Variants in AK8 observed in about 807,000 individuals in gnomAD.
AK8 encodes the protein ATP-AMP transphosphorylase 8.
In AK8, 44 loss-of-function variants were observed where a neutral mutation model predicts 54.6. The observed-to-expected ratio is 0.81, with a 90% CI of 0.63 to 1.04. The LOEUF is 1.04. AK8 is among the 50% of genes least tolerant of loss of function. The pLI is 0.00. For synonymous variants in AK8, 239 were observed against 245.6 expected (o/e 0.97, Z 0.25); for missense variants, 555 against 613.6 (o/e 0.90, Z 1.01).
At chr9:132,863,263 C>T (rs1298736078) in intron 4 of AK8, among the ~76,000 whole-genome samples, 1 of 152,252 alleles carries the variant, frequency 6.6e-6, no homozygotes, top group Admixed American at 6.5e-5. Flanking sequence ...GACAGCTGGA[C>T]AGCTGCCCTT....
chr9:132,833,930 G>A (rs1030805324), intron 5 of AK8, among the ~76,000 whole-genome samples: 1 of 152,210 alleles, frequency 6.6e-6, no homozygotes, highest in African/African-American at 2.4e-5. Flanking sequence ...TTGCCTTTCC[G>A]CTCCTCCCCT....
chr9:132,755,518 C>A (rs897565779), intron 11 of AK8, among the ~76,000 whole-genome samples: 1 of 152,218 alleles, frequency 6.6e-6, no homozygotes, highest in Non-Finnish European at 1.5e-5. Flanking sequence ...GGCAGGACTG[C>A]GCCTCACTCC....
At chr9:132,750,399 G>A (rs1055246231) in intron 11 of AK8, among the ~76,000 whole-genome samples, 1 of 151,908 alleles carries the variant, frequency 6.6e-6, no homozygotes. Flanking sequence ...GATTACAGGT[G>A]TGAGCCACCG....
intron 10 of AK8, among the ~76,000 whole-genome samples, chr9:132,809,571 C>A (rs1421386236): frequency 6.6e-6 from 1 of 152,220 alleles, no homozygotes; most frequent in Non-Finnish European, 1.5e-5. Context: ...CCTGTCCCCA[C>A]CACTGGAGTA....
At chr9:132,771,211 G>T (rs1429989507) in intron 11 of AK8, among the ~76,000 whole-genome samples, 1 of 152,184 alleles carries the variant, frequency 6.6e-6, no homozygotes, top group Non-Finnish European at 1.5e-5. Flanking sequence ...CCCTTTCCTG[G>T]TCTTGCTGGA....
At chr9:132,731,465 G>T (rs1036604912) in intron 11 of AK8, among the ~76,000 whole-genome samples, 4 of 152,126 alleles carry the variant, frequency 2.6e-5, no homozygotes, top group Non-Finnish European at 5.9e-5. Flanking sequence ...CTCAGTGTTG[G>T]CACACCCTGT....
intron 11 of AK8, among the ~76,000 whole-genome samples, chr9:132,760,604 G>C (rs2131050350): frequency 6.6e-6 from 1 of 152,140 alleles, no homozygotes; most frequent in South Asian, 2.1e-4. Flanking sequence ...TTACTGCACT[G>C]TTTAATAATG....
In AK8 at chr9:132,765,292, C is replaced by CAAAAAAAA. The variant is rs61495439; in HGVS notation, c.1121+27334_1121+27341dup. Among the ~76,000 whole-genome samples the CAAAAAAAA allele has an allele frequency of 7.0e-3, 437 of 62,456 alleles. 18 individuals carry two copies. Among genetic ancestry groups the CAAAAAAAA allele is most frequent in the South Asian group, 9.7e-3 (10 of 1,026 alleles). The allele number at this position is 62,456 out of a possible 152,430, so 41.0% of individuals were successfully genotyped here. A position where few individuals can be genotyped will look rare whatever the true frequency, so the allele number is the denominator to read the frequency against. ...TGGGCAACAGAGCGAGACTCCATTT[C>CAAAAAAAA]AAAAAAAAAAAAAAAAAAAAAAGAG... On this transcript the variant is annotated intron_variant, in intron 11 of 12. Transcript: ENST00000298545.
chr9:132,790,789 A>C lies in AK8; in HGVS notation c.1121+1845T>G, dbSNP rs1369361772. On this transcript the variant is annotated intron_variant, in intron 11 of 12. Transcript: ENST00000298545. The surrounding 1 kb of genome is among the most constrained non-coding windows in gnomAD (Gnocchi z 4.1). ...TCATCTACCTGTAAAACCCAAGAGAATCAACTGAAAAACTATCCAAAACAG... is the reference window on the plus strand; with the variant it reads ...TCATCTACCTGTAAAACCCAAGAGACTCAACTGAAAAACTATCCAAAACAG... Among the ~76,000 whole-genome samples, 1 of 152,166 alleles carries C rather than the reference A, an allele frequency of 6.6e-6. No homozygotes were observed. The highest frequency in any genetic ancestry group is 1.5e-5 in the Non-Finnish European group (1 of 68,028).
intron 5 of AK8, among the ~76,000 whole-genome samples, chr9:132,853,368 AAAAAG>A (rs1554803985): frequency 1.3e-5 from 2 of 151,582 alleles, no homozygotes; most frequent in African/African-American, 2.4e-5. Context: ...AAAAAAAAAA[AAAAAG>A]AAAAGAAAAG....
intron 3 of AK8, among the ~76,000 whole-genome samples, chr9:132,864,153 A>G (rs1220358248): frequency 2.0e-5 from 3 of 152,042 alleles, no homozygotes; most frequent in African/African-American, 7.2e-5. Flanking sequence ...GCCCACACTC[A>G]GTGTTCTTTT....
chr9:132,856,744 G>T (rs935546158), intron 4 of AK8, among the ~76,000 whole-genome samples: 2 of 152,184 alleles, frequency 1.3e-5, no homozygotes, highest in African/African-American at 4.8e-5. Context: ...ATGTAAGAGC[G>T]GGAGCTGCGG....
intron 11 of AK8, among the ~76,000 whole-genome samples, chr9:132,785,221 A>G (rs981773657): frequency 6.6e-6 from 1 of 150,824 alleles, no homozygotes; most frequent in Non-Finnish European, 1.5e-5. Context: ...TCCCTGCCTC[A>G]GCCTCCTGAG....
intron 1 of AK8, chr9:132,877,643 G>C (rs564592274): frequency 3.0e-6 from 1 of 331,634 alleles, no homozygotes; most frequent in African/African-American, 2.2e-5. Flanking sequence ...AGCTGCCGGG[G>C]ACGTCTGGCC....
In AK8 at chr9:132,788,933, C is replaced by T. The variant is rs529713972; in HGVS notation, c.1121+3701G>A. On this transcript the variant is annotated intron_variant, in intron 11 of 12. Coordinates refer to ENST00000298545, the MANE Select transcript of AK8 (RefSeq NM_152572.3). ...AATGCAAAAAAAAATGTAGCCAATA[C>T]AATCCAACAGCATGTTAATTTCCTT... Among the ~76,000 whole-genome samples the T allele has an allele frequency of 3.9e-5, 6 of 152,286 alleles. No homozygotes were observed. The South Asian group carries it at 1.2e-3, about 32-fold the overall frequency.
At chr9:132,807,934 C>A (rs1181897485) in intron 10 of AK8, among the ~76,000 whole-genome samples, 1 of 151,742 alleles carries the variant, frequency 6.6e-6, no homozygotes, top group Admixed American at 6.6e-5. Flanking sequence ...GCAGTGGTGG[C>A]CACTGTGAGC....
At chr9:132,849,055 C>T (rs369027787) in intron 5 of AK8, among the ~76,000 whole-genome samples, 59 of 151,892 alleles carry the variant, frequency 3.9e-4, no homozygotes, top group African/African-American at 1.1e-3. Context: ...ACTACAGGCG[C>T]GTGCCACCAC....
At chr9:132,849,229 A>G (rs1404547582) in intron 5 of AK8, among the ~76,000 whole-genome samples, 1 of 151,990 alleles carries the variant, frequency 6.6e-6, no homozygotes, top group Non-Finnish European at 1.5e-5. Context: ...TTTTATTGAG[A>G]GCTCAAGAGA....
intron 11 of AK8, among the ~76,000 whole-genome samples, chr9:132,727,797 G>A (rs557979368): frequency 3.3e-5 from 5 of 152,138 alleles, no homozygotes; most frequent in South Asian, 2.1e-4. Flanking sequence ...CCTCAGGGCC[G>A]GGTGCCAGGC....
Sources: gnomAD v4.1 joint callset for allele counts (sites outside exome capture counted in the v4.1 genomes callset) on GRCh38, gnomAD v4.1.1 for gene constraint, Gnocchi (gnomAD v3.1) non-coding constraint, MANE v1.5 for transcripts, NCBI Gene and HGNC (gene_info 2026-07-23, HGNC 2026-07-21) for gene names.